MREG: variants seen among roughly 807,000 people sequenced by gnomAD.
MREG encodes dilute suppressor protein homolog.
Under a neutral mutation model 28.5 loss-of-function variants are expected in MREG, and 31 were observed. The ratio of observed to expected loss-of-function variants is 1.09; its 90% CI spans 0.82 to 1.47. The LOEUF (loss-of-function observed/expected upper bound fraction) is 1.47. Among genes scored for constraint, MREG ranks in the 40% most tolerant of loss-of-function variants. The pLI is 0.00. For synonymous variants in MREG, 106 were observed against 95.2 expected (o/e 1.11, Z -0.66); for missense variants, 256 against 257.4 (o/e 0.99, Z 0.04).
chr2:215,974,357 G>C (rs1693184278), intron 2 of MREG, among the ~76,000 whole-genome samples: 1 of 152,128 alleles, frequency 6.6e-6, no homozygotes, highest in Non-Finnish European at 1.5e-5. Context: ...CATCAGAACT[G>C]GGCAGGTGCT....
intron 1 of MREG, among the ~76,000 whole-genome samples, chr2:216,027,669 G>C (rs947474340): frequency 5.3e-5 from 8 of 152,124 alleles, no homozygotes; most frequent in African/African-American, 1.9e-4. Context: ...TTCCAGCCTC[G>C]GTGACAGAAC....
chr2:215,961,844 C>T (rs1001146864), intron 2 of MREG, among the ~76,000 whole-genome samples: 9 of 152,122 alleles, frequency 5.9e-5, no homozygotes, highest in Non-Finnish European at 1.0e-4. Context: ...GCTCCCATCA[C>T]CAGGCCCTAA....
At chr2:216,019,699 G>C (rs1694494564) in intron 1 of MREG, among the ~76,000 whole-genome samples, 1 of 151,936 alleles carries the variant, frequency 6.6e-6, no homozygotes, top group African/African-American at 2.4e-5. Context: ...GTAGAGACAG[G>C]GTTTCACCAT....
At chr2:215,988,720 C>A (rs1693647107) in intron 2 of MREG, among the ~76,000 whole-genome samples, 1 of 152,196 alleles carries the variant, frequency 6.6e-6, no homozygotes, top group Non-Finnish European at 1.5e-5. Context: ...GGGGCATCCG[C>A]CATTCCTGAG....
intron 2 of MREG, among the ~76,000 whole-genome samples, chr2:215,970,551 CT>C: frequency 6.6e-6 from 1 of 152,224 alleles, no homozygotes; most frequent in Non-Finnish European, 1.5e-5. Context: ...ACTCAAGCCT[CT>C]CTAACAAGAG....
chr2:216,007,430 T>G (rs1036007262), intron 1 of MREG, among the ~76,000 whole-genome samples: 3 of 151,106 alleles, frequency 2.0e-5, no homozygotes, highest in South Asian at 2.1e-4. Flanking sequence ...TTTATTTATT[T>G]ATTTATTTAT....
chr2:215,987,002 G>T (rs1420895643), intron 2 of MREG, among the ~76,000 whole-genome samples: 1 of 152,088 alleles, frequency 6.6e-6, no homozygotes, highest in Non-Finnish European at 1.5e-5. Flanking sequence ...CTACAATATT[G>T]CTTCCAACAG....
rs1694368342 is a variant in MREG at position 216,013,361 on chromosome 2, T to G, written c.-34A>C. The stretch of plus-strand genomic sequence containing the variant: ...AGGGCCCCCACCGGCGCCGGAAGCC[T>G]GGGGCCGAGTCGCCGCGGCGAGCGA... On this transcript the variant is annotated 5_prime_UTR_variant, in exon 1 of 5. Transcript: ENST00000263268. 1.6e-5 allele frequency: 23 copies of G among 1,426,330 alleles called. No homozygotes were observed. Among genetic ancestry groups the G allele is most frequent in the Middle Eastern group, 1.8e-4 (1 of 5,466 alleles). 88.4% of individuals were successfully genotyped at this position (1,426,330 alleles called of 1,614,324 possible).
chr2:215,951,912 G>C (rs10200538), intron 2 of MREG, among the ~76,000 whole-genome samples: 4,227 of 152,238 alleles, frequency 0.028, 204 homozygotes, highest in African/African-American at 0.096. Context: ...TCTTTAACCA[G>C]CATTTCCCCA....
rs1030600461 is a variant in MREG, at chr2:215,944,725, T to C, written c.*138A>G. On this transcript the variant is annotated 3_prime_UTR_variant, in exon 5 of 5. Transcript: ENST00000263268. Reference sequence around the variant, plus strand: ...GGCAGGGTCCTCAGATTAAAGACTTTACATTTATGTAGAATTCAGTATCAT... The same window carrying C: ...GGCAGGGTCCTCAGATTAAAGACTTCACATTTATGTAGAATTCAGTATCAT... 28 of 899,564 alleles carry C rather than the reference T, an allele frequency of 3.1e-5. No individual in the cohort carries two copies. Among genetic ancestry groups the C allele is most frequent in the South Asian group, 9.1e-5 (3 of 32,916 alleles). 55.7% of individuals were successfully genotyped at this position (899,564 alleles called of 1,614,324 possible).
In MREG at chr2:216,013,395, G is replaced by A. The variant is rs1694370700; in HGVS notation, c.-68C>T. On this transcript the variant is annotated 5_prime_UTR_variant, in exon 1 of 5. It introduces an in-frame stop codon into an upstream open reading frame of the 5' UTR. Transcript: ENST00000263268. Reference sequence around the variant, plus strand: ...GTCGCCGCGGCGAGCGATCGAGGCTGGGGCGCGGCCACCGCGCCAGCGTCC... The same window carrying A: ...GTCGCCGCGGCGAGCGATCGAGGCTAGGGCGCGGCCACCGCGCCAGCGTCC... The A allele has an allele frequency of 8.3e-7, 1 of 1,201,012 alleles. No homozygotes were observed. The highest frequency in any genetic ancestry group is 3.2e-5 in the East Asian group (1 of 30,990). 74.4% of individuals were successfully genotyped at this position (1,201,012 alleles called of 1,614,324 possible). A position where few individuals can be genotyped will look rare whatever the true frequency, so the allele number is the denominator to read the frequency against.
At chr2:215,954,607 C>T (rs1055306654) in intron 2 of MREG, among the ~76,000 whole-genome samples, 1 of 152,082 alleles carries the variant, frequency 6.6e-6, no homozygotes, top group African/African-American at 2.4e-5. Context: ...GCATCGAATT[C>T]CAAAGCCCAC....
At chr2:215,971,263 A>T (rs1376365113) in intron 2 of MREG, among the ~76,000 whole-genome samples, 2 of 152,206 alleles carry the variant, frequency 1.3e-5, no homozygotes, top group Non-Finnish European at 2.9e-5. Context: ...CTATGTAACA[A>T]ACCTGCACAT....
At chr2:216,009,076 C>T (rs1397104112) in intron 1 of MREG, among the ~76,000 whole-genome samples, 1 of 152,036 alleles carries the variant, frequency 6.6e-6, no homozygotes, top group Non-Finnish European at 1.5e-5. Context: ...AACCATTGTT[C>T]CTAGGGGAAA....
At chr2:215,949,137 C>T (rs1692414614) in intron 2 of MREG, among the ~76,000 whole-genome samples, 1 of 151,446 alleles carries the variant, frequency 6.6e-6, no homozygotes, top group African/African-American at 2.4e-5. Flanking sequence ...GTGGCACACA[C>T]CTGTAATCCC....
upstream of MREG, among the ~76,000 whole-genome samples, chr2:216,033,340 T>C (rs1288455688): frequency 6.6e-6 from 1 of 152,130 alleles, no homozygotes; most frequent in African/African-American, 2.4e-5. Flanking sequence ...AAATGACCAG[T>C]AATTTTGCAT....
intron 2 of MREG, among the ~76,000 whole-genome samples, chr2:215,979,034 G>T (rs1693335797): frequency 6.6e-6 from 1 of 152,192 alleles, no homozygotes; most frequent in Admixed American, 6.5e-5. Flanking sequence ...CATGCCCTGT[G>T]TATGACAATA....
intron 1 of MREG, among the ~76,000 whole-genome samples, chr2:216,005,676 C>T (rs932380693): frequency 9.9e-5 from 15 of 151,784 alleles, no homozygotes; most frequent in Non-Finnish European, 2.1e-4. Context: ...TGGTCTCAAA[C>T]CCCTGACCTC....
intron 2 of MREG, among the ~76,000 whole-genome samples, chr2:215,960,524 C>T (rs1411437798): frequency 6.6e-5 from 10 of 152,098 alleles, no homozygotes. Flanking sequence ...GAATTCTGAA[C>T]AAGGCAGGTT....
Sources: gnomAD v4.1 joint callset for allele counts (sites outside exome capture counted in the v4.1 genomes callset) on GRCh38, gnomAD v4.1.1 for gene constraint, MANE v1.5 for transcripts, NCBI Gene and HGNC (gene_info 2026-07-23, HGNC 2026-07-21) for gene names.